UBE2T: variants seen among roughly 807,000 people sequenced by gnomAD.
UBE2T encodes the protein ubiquitin-conjugating enzyme E2 T.
In UBE2T, 15 loss-of-function variants were observed where a neutral mutation model predicts 23.3. The observed-to-expected ratio is 0.64, with a 90% CI of 0.43 to 0.99. The LOEUF (loss-of-function observed/expected upper bound fraction) is 0.99, where lower values mean the gene tolerates loss of function less well. Ranked by LOEUF, UBE2T falls within the 50% of genes least tolerant of loss-of-function variation. The pLI is 0.00. For synonymous variants in UBE2T, 67 were observed against 78.4 expected (o/e 0.85, Z 0.77); for missense variants, 197 against 234.9 (o/e 0.84, Z 1.05).
Position 202,335,578 on chromosome 1 carries a change from A to T in UBE2T, c.109+68T>A, listed in dbSNP as rs557128154. On this transcript the variant is annotated intron_variant, in intron 2 of 6. Transcript: ENST00000646651. This position sits in a 1 kb window ranked among gnomAD's most constrained non-coding sequence, Gnocchi z 4.0. ...CTCCTTACTTTAGAAGAATACACAA[A>T]ATGTTTTATTTCAGCACAATCTTCA... The T allele has an allele frequency of 1.1e-5, 16 of 1,489,216 alleles. No individual in the cohort carries two copies. In the African/African-American group the frequency reaches 2.2e-4, roughly 21 times the overall value. The allele number at this position is 1,489,216 out of a possible 1,614,324, so 92.3% of individuals were successfully genotyped here.
At chr1:202,340,561 T>C (rs180814070) in intron 1 of UBE2T, among the ~76,000 whole-genome samples, 248 of 151,276 alleles carry the variant, frequency 1.6e-3, no homozygotes, top group African/African-American at 5.7e-3. Context: ...ACAAAGGATA[T>C]CCCCATCTCT....
At chr1:202,337,336 A>G (rs183905828) in intron 1 of UBE2T, among the ~76,000 whole-genome samples, 1 of 152,318 alleles carries the variant, frequency 6.6e-6, no homozygotes, top group East Asian at 1.9e-4. Flanking sequence ...TACTCTTAAC[A>G]TAATCAATCT....
intron 1 of UBE2T, among the ~76,000 whole-genome samples, chr1:202,341,382 T>A (rs1442817034): frequency 3.3e-5 from 5 of 150,242 alleles, no homozygotes; most frequent in Admixed American, 1.3e-4. Flanking sequence ...ATCGAGACCA[T>A]CCCGGCTAAA....
At chr1:202,341,376 A>G (rs1654999375) in intron 1 of UBE2T, among the ~76,000 whole-genome samples, 1 of 151,400 alleles carries the variant, frequency 6.6e-6, no homozygotes. Context: ...CAGGAGATCG[A>G]GACCATCCCG....
intron 3 of UBE2T, 58 bp from the exon 4 acceptor site, chr1:202,333,613 T>C (rs1336140486): frequency 2.8e-6 from 4 of 1,454,048 alleles, no homozygotes; most frequent in Non-Finnish European, 3.8e-6. Context: ...TCTAAATACA[T>C]TTAAATAGTT....
At chr1:202,337,044 A>G (rs916799968) in intron 1 of UBE2T, among the ~76,000 whole-genome samples, 2 of 152,266 alleles carry the variant, frequency 1.3e-5, no homozygotes, top group Non-Finnish European at 2.9e-5. Flanking sequence ...TCCGGGTTCA[A>G]GCAATTCTCT....
intron 3 of UBE2T, among the ~76,000 whole-genome samples, chr1:202,334,166 C>A (rs1654830930): frequency 6.6e-6 from 1 of 152,150 alleles, no homozygotes; most frequent in Non-Finnish European, 1.5e-5. Context: ...TTCTTCCCTT[C>A]CCCGTTCTGT....
chr1:202,339,532 G>T (rs1654952606), intron 1 of UBE2T, among the ~76,000 whole-genome samples: 1 of 147,608 alleles, frequency 6.8e-6, no homozygotes, highest in Non-Finnish European at 1.5e-5. Flanking sequence ...TTTTTTGCTG[G>T]AAGTGTTTTG....
Position 202,334,989 on chromosome 1 carries a change from C to T in UBE2T, c.179G>A (p.Arg60Lys). 1.2e-6 allele frequency: 2 copies of T among 1,612,020 alleles called. No homozygotes were observed. ...VFKLEVIIPERYPFEPPQIRF... is the reference protein window; with the variant it reads ...VFKLEVIIPEKYPFEPPQIRF... ...GGTTGAGAAGCTGATTCATACTAAC[C>T]TCTCAGGAATGATAACTTCTAGCTT... Residue 60 changes from arginine (R) to lysine (K), a missense_variant and splice_region_variant, in exon 3 of 7, where the codon AGG becomes AAG. Physicochemically the swap from Arg to Lys is conservative, Grantham distance 26 (BLOSUM62 2). Transcript: ENST00000646651.
intron 3 of UBE2T, 32 bp downstream of exon 3, chr1:202,334,957 C>T (rs376224445): frequency 1.3e-6 from 2 of 1,595,726 alleles, no homozygotes; most frequent in African/African-American, 2.7e-5. Context: ...ATGCACTTCA[C>T]CATGTAGGTT....
intron 3 of UBE2T, among the ~76,000 whole-genome samples, chr1:202,334,207 G>A (rs1014127058): frequency 6.6e-6 from 1 of 152,136 alleles, no homozygotes; most frequent in Non-Finnish European, 1.5e-5. Flanking sequence ...CACCTGATGA[G>A]AGCCTTAAAG....
intron 1 of UBE2T, among the ~76,000 whole-genome samples, chr1:202,336,809 A>G (rs1654896713): frequency 6.6e-6 from 1 of 152,152 alleles, no homozygotes; most frequent in Non-Finnish European, 1.5e-5. Flanking sequence ...CCATTCCATC[A>G]ATTATTCCAT....
intron 1 of UBE2T, among the ~76,000 whole-genome samples, chr1:202,336,775 AC>A (rs1654895783): frequency 6.6e-6 from 1 of 152,140 alleles, no homozygotes; most frequent in African/African-American, 2.4e-5. Context: ...TATGGATTCC[AC>A]CTTCTCCCAA....
intron 3 of UBE2T, among the ~76,000 whole-genome samples, chr1:202,334,601 G>A (rs187640818): frequency 3.9e-5 from 6 of 152,276 alleles, no homozygotes; most frequent in Admixed American, 6.5e-5. Flanking sequence ...GGCTGAGAGC[G>A]GGGAGAAATG....
rs749719804 is a variant in UBE2T at position 202,331,832 on chromosome 1, C to A, written c.*3G>T. The A allele has an allele frequency of 6.2e-7, 1 of 1,613,936 alleles. No homozygotes were observed. Among genetic ancestry groups the A allele is most frequent in the Admixed American group, 1.7e-5 (1 of 59,996 alleles). On this transcript the variant is annotated 3_prime_UTR_variant, in exon 7 of 7. Coordinates refer to ENST00000646651, the MANE Select transcript of UBE2T (RefSeq NM_014176.4). ...TTAACTAAGATGAACCAGGACAAGT[C>A]CCCTAAACATCAGGATGAAATTTCT...
At chr1:202,333,980 C>T (rs958422544) in intron 3 of UBE2T, among the ~76,000 whole-genome samples, 1 of 151,694 alleles carries the variant, frequency 6.6e-6, no homozygotes, top group African/African-American at 2.4e-5. Flanking sequence ...ACAATTCATA[C>T]GTTGCATTTG....
In UBE2T at chr1:202,335,209, C is replaced by T; in HGVS notation, c.110-151G>A. 1.6e-6 allele frequency: 1 copy of T among 627,894 alleles called. No homozygotes were observed. The allele number at this position is 627,894 out of a possible 1,614,324, so 38.9% of individuals were successfully genotyped here. The stretch of plus-strand genomic sequence containing the variant: ...GACTTTAACAAGTCCTCATGCAACA[C>T]ACCACAATGCTAATGTACTCAAAAA... On this transcript the variant is annotated intron_variant, in intron 2 of 6. Coordinates refer to ENST00000646651, the MANE Select transcript of UBE2T (RefSeq NM_014176.4). The surrounding 1 kb of genome is among the most constrained non-coding windows in gnomAD (Gnocchi z 4.0).
rs200130395 is a variant in UBE2T at position 202,335,649 on chromosome 1, C to T, written c.106G>A (p.Ala36Thr). ...QDKDQMDDLR[A>T]QILGGANTPY... Reference sequence around the variant, plus strand: ...ATATACATGATTTGATACCTACGAGCTCGCAGGTCATCCATTTGGTCTTTA... The same window carrying T: ...ATATACATGATTTGATACCTACGAGTTCGCAGGTCATCCATTTGGTCTTTA... The change falls in exon 2 of 7, where the codon GCT (alanine) becomes ACT (threonine). Residue 36 changes from alanine (A) to threonine (T), a missense_variant. Ala to Thr is a moderately conservative substitution (Grantham distance 58, BLOSUM62 0). Transcript: ENST00000646651. The surrounding 1 kb of genome is among the most constrained non-coding windows in gnomAD (Gnocchi z 4.0). The T allele has an allele frequency of 3.8e-4, 607 of 1,613,784 alleles. No individual in the cohort carries two copies. Among genetic ancestry groups the T allele is most frequent in the Non-Finnish European group, 4.7e-4 (559 of 1,179,934 alleles).
intron 3 of UBE2T, 71 bp downstream of exon 3, chr1:202,334,918 A>T: frequency 7.1e-7 from 1 of 1,414,374 alleles, no homozygotes; most frequent in Non-Finnish European, 9.9e-7. Flanking sequence ...TGCTCTATCT[A>T]CTACATTGCT....
Sources: gnomAD v4.1 joint callset for allele counts (sites outside exome capture counted in the v4.1 genomes callset) on GRCh38, gnomAD v4.1.1 for gene constraint, Gnocchi (gnomAD v3.1) non-coding constraint, MANE v1.5 for transcripts, NCBI Gene and HGNC (gene_info 2026-07-23, HGNC 2026-07-21) for gene names.